Variants in CTAGE1 observed in about 807,000 individuals in gnomAD.
The protein encoded by CTAGE1 is cutaneous T cell lymphoma-associated antigen 1.
For synonymous variants in CTAGE1, 332 were observed against 302.8 expected (o/e 1.10, Z -1.00); for missense variants, 963 against 855.9 (o/e 1.13, Z -1.56).
chr18:22,417,082 T>C lies in CTAGE1; in HGVS notation c.730A>G (p.Met244Val), dbSNP rs571209098. Reference sequence around the variant, plus strand: ...TCAAGCATAGCAACCCCATCTTTCATCTTTAGCAAGCGTTCAGTCAGAGTC... The same window carrying C: ...TCAAGCATAGCAACCCCATCTTTCACCTTTAGCAAGCGTTCAGTCAGAGTC... Reference protein sequence around the residue: ...IKTLTERLLKMKDGVAMLEED... With the variant: ...IKTLTERLLKVKDGVAMLEED... Residue 244 changes from methionine to valine, a missense_variant, in exon 1 of 1, where the codon ATG becomes GTG. Coordinates refer to ENST00000391403, the MANE Select transcript of CTAGE1 (RefSeq NM_172241.3). 1.9e-6 allele frequency: 3 copies of C among 1,613,964 alleles called. No individual in the cohort carries two copies. The highest frequency in any genetic ancestry group is 2.7e-5 in the African/African-American group (2 of 75,060).
Position 22,414,772 on chromosome 18 carries a change from T to C in CTAGE1, c.*802A>G, listed in dbSNP as rs2034989640. On this transcript the variant is annotated 3_prime_UTR_variant, in exon 1 of 1. Transcript: ENST00000391403. ...TATATAATTCTGGGGCAAGTAAAAGTTCTGGATAAAGTTGTTCCCACCAAA... is the reference window on the plus strand; with the variant it reads ...TATATAATTCTGGGGCAAGTAAAAGCTCTGGATAAAGTTGTTCCCACCAAA... 1 of 702,744 alleles carries C rather than the reference T, an allele frequency of 1.4e-6. No individual in the cohort carries two copies. The allele number at this position is 702,744 out of a possible 1,614,324, so 43.5% of individuals were successfully genotyped here. A position where few individuals can be genotyped will look rare whatever the true frequency, so the allele number is the denominator to read the frequency against.
Position 22,416,759 on chromosome 18 carries a change from T to A in CTAGE1, c.1053A>T (p.Lys351Asn). The A allele has an allele frequency of 6.2e-7, 1 of 1,612,622 alleles. No homozygotes were observed. Among genetic ancestry groups the A allele is most frequent in the South Asian group, 1.1e-5 (1 of 90,690 alleles). The change falls in exon 1 of 1, where the codon AAA becomes AAT. Residue 351 changes from lysine to asparagine, a missense_variant. Physicochemically the swap from Lys to Asn is moderately conservative, Grantham distance 94. Coordinates refer to ENST00000391403, the MANE Select transcript of CTAGE1 (RefSeq NM_172241.3). ...FESENQKLQQ[K>N]LKVMTELYQE... is the part of the protein sequence containing the mutation. Reference sequence around the variant, plus strand: ...GATATAATTCAGTCATTACTTTAAGTTTCTGCTGAAGCTTCTGATTCTCAC... The same window carrying A: ...GATATAATTCAGTCATTACTTTAAGATTCTGCTGAAGCTTCTGATTCTCAC...
rs1277742570 is a variant in CTAGE1 at position 22,416,183 on chromosome 18, T to A, written c.1629A>T (p.Arg543Ser). 6.2e-7 allele frequency: 1 copy of A among 1,613,832 alleles called. No homozygotes were observed. The highest frequency in any genetic ancestry group is 8.5e-7 in the Non-Finnish European group (1 of 1,179,876). ...TTAACCTATCACAGCTTGATTCTCC[T>A]CTTTCTTTGGTAATCTGATGGTCCG... ...NPPDHQITKE[R>S]GESSCDRLTD... The change falls in exon 1 of 1, where the codon AGA (arginine) becomes AGT (serine). Residue 543 changes from arginine to serine, a missense_variant. By Grantham distance (110) the Arg-to-Ser change is moderately radical (BLOSUM62 -1). Coordinates refer to ENST00000391403, the MANE Select transcript of CTAGE1 (RefSeq NM_172241.3).
At position 22,416,758 on chromosome 18, in the gene CTAGE1, G is replaced by C; in HGVS notation, c.1054C>G (p.Leu352Val). Residue 352 changes from leucine to valine, a missense_variant, in exon 1 of 1, where the codon CTT (leucine) becomes GTT (valine). Coordinates refer to ENST00000391403, the MANE Select transcript of CTAGE1 (RefSeq NM_172241.3). Reference protein sequence around the residue: ...ESENQKLQQKLKVMTELYQEN... With the variant: ...ESENQKLQQKVKVMTELYQEN... ...TGATATAATTCAGTCATTACTTTAA[G>C]TTTCTGCTGAAGCTTCTGATTCTCA... The C allele has an allele frequency of 6.2e-7, 1 of 1,612,508 alleles. No individual in the cohort carries two copies.
Position 22,415,869 on chromosome 18 carries a change from G to A in CTAGE1, c.1943C>T (p.Ser648Phe). The change falls in exon 1 of 1, where the codon TCT (serine) becomes TTT (phenylalanine). Residue 648 changes from serine to phenylalanine, a missense_variant. Ser to Phe is a radical substitution (Grantham distance 155, BLOSUM62 -2). Transcript: ENST00000391403. ...AGTTGCTTCATTTTCAGCGGGGAGA[G>A]ATGAATCAGGCACCTTTAAATTACC... is the stretch of plus-strand genomic sequence containing the variant. ...NLGNLKVPDSSLPAENEATGP... is the reference protein window; with the variant it reads ...NLGNLKVPDSFLPAENEATGP... 6.2e-7 allele frequency: 1 copy of A among 1,613,930 alleles called. No homozygotes were observed. The highest frequency in any genetic ancestry group is 1.7e-5 in the Admixed American group (1 of 60,018).
Position 22,413,659 on chromosome 18 carries a change from A to G in CTAGE1, c.*1915T>C, listed in dbSNP as rs2034976012. 1 of 152,206 alleles carries G rather than the reference A, an allele frequency of 6.6e-6. No individual in the cohort carries two copies. Among genetic ancestry groups the G allele is most frequent in the Admixed American group, 6.5e-5 (1 of 15,286 alleles). The allele number at this position is 152,206 out of a possible 1,614,324, so 9.4% of individuals were successfully genotyped here. ...ACTTTCTTTTTAGTTTATTAGGTTC[A>G]TGGAAAAAAATTAGTAGTCATTCAA... is the stretch of plus-strand genomic sequence containing the variant. On this transcript the variant is annotated 3_prime_UTR_variant, in exon 1 of 1. Transcript: ENST00000391403.
In CTAGE1 at chr18:22,416,751, A is replaced by T. The variant is rs1414530809; in HGVS notation, c.1061T>A (p.Val354Glu). ...ATTTTCTTGATATAATTCAGTCATT[A>T]CTTTAAGTTTCTGCTGAAGCTTCTG... Reference protein sequence around the residue: ...ENQKLQQKLKVMTELYQENEM... With the variant: ...ENQKLQQKLKEMTELYQENEM... The change falls in exon 1 of 1, where the codon GTA (valine) becomes GAA (glutamate). Residue 354 changes from valine to glutamate, a missense_variant. Transcript: ENST00000391403. 1 of 1,612,540 alleles carries T rather than the reference A, an allele frequency of 6.2e-7. No individual in the cohort carries two copies. The highest frequency in any genetic ancestry group is 1.7e-5 in the Admixed American group (1 of 59,904).
chr18:22,416,755 T>C lies in CTAGE1; in HGVS notation c.1057A>G (p.Lys353Glu), dbSNP rs376427320. 1.2e-5 allele frequency: 19 copies of C among 1,612,592 alleles called. No homozygotes were observed. In the African/African-American group the frequency reaches 2.3e-4, roughly 19 times the overall value. Reference sequence around the variant, plus strand: ...TCTTGATATAATTCAGTCATTACTTTAAGTTTCTGCTGAAGCTTCTGATTC... The same window carrying C: ...TCTTGATATAATTCAGTCATTACTTCAAGTTTCTGCTGAAGCTTCTGATTC... ...SENQKLQQKL[K>E]VMTELYQENE... The change falls in exon 1 of 1, where the codon AAA becomes GAA. Residue 353 changes from lysine to glutamate, a missense_variant. Lys to Glu is a moderately conservative substitution (Grantham distance 56, BLOSUM62 1). Coordinates refer to ENST00000391403, the MANE Select transcript of CTAGE1 (RefSeq NM_172241.3).
Position 22,417,466 on chromosome 18 carries a change from G to A in CTAGE1, c.346C>T (p.Leu116Phe), listed in dbSNP as rs1461720702. 6 of 1,613,840 alleles carry A rather than the reference G, an allele frequency of 3.7e-6. No homozygotes were observed. Among genetic ancestry groups the A allele is most frequent in the Non-Finnish European group, 5.1e-6 (6 of 1,179,866 alleles). The change falls in exon 1 of 1, where the codon CTC (leucine) becomes TTC (phenylalanine). Residue 116 changes from leucine (L) to phenylalanine (F), a missense_variant. By Grantham distance (22) the Leu-to-Phe change is conservative (BLOSUM62 0). Coordinates refer to ENST00000391403, the MANE Select transcript of CTAGE1 (RefSeq NM_172241.3). ...TCTTTTAACTCTTTTTCTAGACAGA[G>A]TATTTCATGCACAAGTTCAGAATTG... ...RFNSELVHEI[L>F]CLEKELKEEK...
Position 22,417,517 on chromosome 18 carries a change from C to T in CTAGE1, c.295G>A (p.Ala99Thr), listed in dbSNP as rs1301573638. 1 of 1,613,840 alleles carries T rather than the reference C, an allele frequency of 6.2e-7. No individual in the cohort carries two copies. Among genetic ancestry groups the T allele is most frequent in the Non-Finnish European group, 8.5e-7 (1 of 1,179,870 alleles). ...KEATEAQSLE[A>T]TCEKLNRFNS... ...AACCTGTTCAGCTTTTCGCAGGTTG[C>T]CTCCAAACTTTGTGCTTCTGTTGCC... Residue 99 changes from alanine (A) to threonine (T), a missense_variant, in exon 1 of 1, where the codon GCA becomes ACA. Ala to Thr is a moderately conservative substitution (Grantham distance 58). Coordinates refer to ENST00000391403, the MANE Select transcript of CTAGE1 (RefSeq NM_172241.3).
At position 22,416,132 on chromosome 18, in the gene CTAGE1, G is replaced by A. The variant is rs754890045; in HGVS notation, c.1680C>T (p.Asp560=). Residue 560 remains aspartate, a synonymous_variant, in exon 1 of 1, where the codon GAC becomes GAT. Coordinates refer to ENST00000391403, the MANE Select transcript of CTAGE1 (RefSeq NM_172241.3). ...CCCACGGAGGTGCCAGGGGCCCAGC[G>A]TCAGAAGGAGCCCTGTGAGGATCAG... ...RLTDPHRAPS[D]AGPLAPPWEQ... is the part of the protein sequence containing the mutation. The A allele has an allele frequency of 1.2e-5, 20 of 1,613,834 alleles. No homozygotes were observed. The highest frequency in any genetic ancestry group is 5.0e-5 in the Admixed American group (3 of 60,000).
Position 22,416,237 on chromosome 18 carries a change from T to C in CTAGE1, c.1575A>G (p.Gly525=). The C allele has an allele frequency of 6.2e-7, 1 of 1,613,916 alleles. No individual in the cohort carries two copies. Among genetic ancestry groups the C allele is most frequent in the South Asian group, 1.1e-5 (1 of 91,066 alleles). ...RLSPLLPRGG[G]RGSRGPGNPP... ...GATTCCCTGGGCCTCTGGAGCCTCT[T>C]CCTCCTCCCCGTGGAAGCAAAGGTG... The change falls in exon 1 of 1, where the codon GGA becomes GGG. Residue 525 remains glycine, a synonymous_variant. Transcript: ENST00000391403.
At position 22,415,734 on chromosome 18, in the gene CTAGE1, G is replaced by A. The variant is rs757233842; in HGVS notation, c.2078C>T (p.Pro693Leu). ...TGGAGAAGCTCCAAACACGGTTCCT[G>A]GAGGAGGTGGGGGGAAAGGAGGTCC... ...RRGPPFPPPP[P>L]GTVFGASPDY... The change falls in exon 1 of 1, where the codon CCA (proline) becomes CTA (leucine). Residue 693 changes from proline (P) to leucine (L), a missense_variant. By Grantham distance (98) the Pro-to-Leu change is moderately conservative. Coordinates refer to ENST00000391403, the MANE Select transcript of CTAGE1 (RefSeq NM_172241.3). The A allele has an allele frequency of 6.2e-6, 10 of 1,614,068 alleles. No homozygotes were observed. The South Asian group carries it at 7.7e-5, about 12-fold the overall frequency.
rs761129387 is a variant in CTAGE1 at position 22,416,331 on chromosome 18, C to T, written c.1481G>A (p.Gly494Asp). The T allele has an allele frequency of 1.9e-5, 30 of 1,613,856 alleles. No individual in the cohort carries two copies. Among genetic ancestry groups the T allele is most frequent in the Non-Finnish European group, 2.5e-5 (30 of 1,179,866 alleles). The change falls in exon 1 of 1, where the codon GGT becomes GAT. Residue 494 changes from glycine (G) to aspartate (D), a missense_variant. Physicochemically the swap from Gly to Asp is moderately conservative, Grantham distance 94. Transcript: ENST00000391403. ...QHSPYGPSPL[G>D]WPSSETRASL... Reference sequence around the variant, plus strand: ...AGCTCTCGTTTCAGATGAAGGCCAACCCAATGGTGAGGGACCATATGGGGA... The same window carrying T: ...AGCTCTCGTTTCAGATGAAGGCCAATCCAATGGTGAGGGACCATATGGGGA...
Position 22,415,867 on chromosome 18 carries a change from G to C in CTAGE1, c.1945C>G (p.Leu649Val). 6.2e-7 allele frequency: 1 copy of C among 1,613,972 alleles called. No homozygotes were observed. Among genetic ancestry groups the C allele is most frequent in the Non-Finnish European group, 8.5e-7 (1 of 1,179,870 alleles). ...LGNLKVPDSS[L>V]PAENEATGPG... ...CCAGTTGCTTCATTTTCAGCGGGGA[G>C]AGATGAATCAGGCACCTTTAAATTA... The change falls in exon 1 of 1, where the codon CTC becomes GTC. Residue 649 changes from leucine (L) to valine (V), a missense_variant. Transcript: ENST00000391403.
chr18:22,417,391 T>G lies in CTAGE1; in HGVS notation c.421A>C (p.Lys141Gln). 6.2e-7 allele frequency: 1 copy of G among 1,614,028 alleles called. No homozygotes were observed. Among genetic ancestry groups the G allele is most frequent in the Non-Finnish European group, 8.5e-7 (1 of 1,179,876 alleles). ...EQNELMADIS[K>Q]RIQSLEDESK... ...TCATCTTCTAGCGACTGTATCCTTT[T>G]GGAAATATCCGCCATCAATTCATTT... Residue 141 changes from lysine (K) to glutamine (Q), a missense_variant, in exon 1 of 1, where the codon AAA becomes CAA. Physicochemically the swap from Lys to Gln is moderately conservative, Grantham distance 53 (BLOSUM62 1). Transcript: ENST00000391403.
In CTAGE1 at chr18:22,416,260, G is replaced by T; in HGVS notation, c.1552C>A (p.Pro518Thr). ...CTTCCTCCTCCCCGTGGAAGCAAAG[G>T]TGAGAGTCTGAGAGGACCTTCCAAC... The part of the protein sequence containing the change: ...TLLEGPLRLS[P>T]LLPRGGGRGS... Residue 518 changes from proline (P) to threonine (T), a missense_variant, in exon 1 of 1, where the codon CCT becomes ACT. By Grantham distance (38) the Pro-to-Thr change is conservative. Transcript: ENST00000391403. 5 of 1,613,968 alleles carry T rather than the reference G, an allele frequency of 3.1e-6. No individual in the cohort carries two copies. Among genetic ancestry groups the T allele is most frequent in the Non-Finnish European group, 4.2e-6 (5 of 1,179,864 alleles).
Position 22,416,933 on chromosome 18 carries a change from A to G in CTAGE1, c.879T>C (p.Asn293=). Reference sequence around the variant, plus strand: ...CTCCTTCTAAGGTTTTTAAGGAAGCATTTAACTTAGCAGCATGAATCAGTT... The same window carrying G: ...CTCCTTCTAAGGTTTTTAAGGAAGCGTTTAACTTAGCAGCATGAATCAGTT... ...LKKLIHAAKL[N]ASLKTLEGER... is the part of the protein sequence containing the mutation. Residue 293 remains asparagine, a synonymous_variant, in exon 1 of 1, where the codon AAT becomes AAC. Transcript: ENST00000391403. 1 of 1,614,036 alleles carries G rather than the reference A, an allele frequency of 6.2e-7. No individual in the cohort carries two copies. Among genetic ancestry groups the G allele is most frequent in the Non-Finnish European group, 8.5e-7 (1 of 1,179,910 alleles).
At position 22,416,805 on chromosome 18, in the gene CTAGE1, G is replaced by A. The variant is rs1462691596; in HGVS notation, c.1007C>T (p.Ser336Leu). Reference protein sequence around the residue: ...NLQTEQASLQSENTHFESENQ... With the variant: ...NLQTEQASLQLENTHFESENQ... Reference sequence around the variant, plus strand: ...CTCACTTTCAAAATGTGTGTTTTCTGACTGCAAAGATGCTTGTTCAGTCTG... The same window carrying A: ...CTCACTTTCAAAATGTGTGTTTTCTAACTGCAAAGATGCTTGTTCAGTCTG... The change falls in exon 1 of 1, where the codon TCA (serine) becomes TTA (leucine). Residue 336 changes from serine to leucine, a missense_variant. By Grantham distance (145) the Ser-to-Leu change is moderately radical. Coordinates refer to ENST00000391403, the MANE Select transcript of CTAGE1 (RefSeq NM_172241.3). The A allele has an allele frequency of 6.2e-7, 1 of 1,612,288 alleles. No homozygotes were observed. The highest frequency in any genetic ancestry group is 8.5e-7 in the Non-Finnish European group (1 of 1,179,824).
Sources: allele counts gnomAD v4.1 joint callset, GRCh38; gene constraint gnomAD v4.1.1; transcripts MANE v1.5; gene names NCBI Gene and HGNC (gene_info 2026-07-23, HGNC 2026-07-21).